Variants in PER2 observed in about 807,000 individuals in gnomAD.
The protein encoded by PER2 is period circadian regulator 2.
In PER2, 66 loss-of-function variants were observed where a neutral mutation model predicts 121.0. The ratio of observed to expected loss-of-function variants is 0.55; its 90% CI spans 0.45 to 0.67. PER2 has a LOEUF of 0.67. PER2 is among the 30% of genes least tolerant of loss of function. The pLI is 0.00. For missense variants in PER2, 1,521 were observed against 1,635.0 expected (o/e 0.93, Z 1.20); for synonymous variants, 684 against 659.9 (o/e 1.04, Z -0.56).
In PER2 at chr2:238,252,772, C is replaced by T. The variant is rs185568911; in HGVS notation, c.3111+140G>A. Reference sequence around the variant, plus strand: ...GTGGGAAGCATGAATTTCTGGCACACACATTCATGGCAAAACCTACAGGGT... The same window carrying T: ...GTGGGAAGCATGAATTTCTGGCACATACATTCATGGCAAAACCTACAGGGT... On this transcript the variant is annotated intron_variant, in intron 19 of 22. Coordinates refer to ENST00000254657, the MANE Select transcript of PER2 (RefSeq NM_022817.3). This position sits in a 1 kb window ranked among gnomAD's most constrained non-coding sequence, Gnocchi z 4.2. 1.1e-4 allele frequency: 85 copies of T among 797,650 alleles called. No homozygotes were observed. Among genetic ancestry groups the T allele is most frequent in the East Asian group, 6.8e-4 (28 of 41,160 alleles). 49.4% of individuals were successfully genotyped at this position (797,650 alleles called of 1,614,324 possible).
chr2:238,282,192 C>T (rs977598690), intron 1 of PER2, among the ~76,000 whole-genome samples: 1 of 152,248 alleles, frequency 6.6e-6, no homozygotes, highest in Admixed American at 6.5e-5. Context: ...CACCCCTCAG[C>T]CCCAGCCCTG....
chr2:238,250,502 C>G, intron 21 of PER2, 49 bp downstream of exon 21: 2 of 1,375,716 alleles, frequency 1.5e-6, no homozygotes, highest in Non-Finnish European at 2.0e-6. Flanking sequence ...TCTGGGAGCT[C>G]CTGAACCCCA....
rs1416461780 is a variant in PER2 at position 238,275,760 on chromosome 2, C to T, written c.431G>A (p.Ser144Asn). The T allele has an allele frequency of 6.2e-7, 1 of 1,614,212 alleles. No individual in the cohort carries two copies. Among genetic ancestry groups the T allele is most frequent in the South Asian group, 1.1e-5 (1 of 91,092 alleles). ...TLATLKYALR[S>N]VKQVKANEEY... ...CGACGTACCTTTCACCTGCTTCACG[C>T]TCCTGAGGGCGTACTTCAAGGTGGC... Residue 144 changes from serine to asparagine, a missense_variant, in exon 4 of 23, where the codon AGC (serine) becomes AAC (asparagine). Coordinates refer to ENST00000254657, the MANE Select transcript of PER2 (RefSeq NM_022817.3).
chr2:238,250,468 C>T, intron 21 of PER2, 83 bp downstream of exon 21: 1 of 981,098 alleles, frequency 1.0e-6, no homozygotes, highest in Admixed American at 2.0e-5. Flanking sequence ...CCCGCCCCAT[C>T]TGAATGACCT....
At chr2:238,264,800 ATT>A (rs1323857240) in intron 9 of PER2, among the ~76,000 whole-genome samples, 1 of 151,930 alleles carries the variant, frequency 6.6e-6, no homozygotes, top group African/African-American at 2.4e-5. Flanking sequence ...TTTTTATTTT[ATT>A]TTGCAGAGAC....
chr2:238,248,279 G>A (rs1384238579), intron 22 of PER2, among the ~76,000 whole-genome samples: 1 of 152,218 alleles, frequency 6.6e-6, no homozygotes, highest in Non-Finnish European at 1.5e-5. Context: ...GTGTTCGGCT[G>A]CTGGAGAACT....
Position 238,267,532 on chromosome 2 carries a change from T to C in PER2, c.967+524A>G, listed in dbSNP as rs558757721. 1.2e-4 allele frequency among the ~76,000 whole-genome samples: 18 copies of C among 152,238 alleles called. No homozygotes were observed. The South Asian group carries it at 2.3e-3, about 19-fold the overall frequency. ...TCACCTGGAGAGTCATGTCAGTGCA[T>C]GTCTGTCTGAGAGGAAGGGAAATTC... On this transcript the variant is annotated intron_variant, in intron 8 of 22. Coordinates refer to ENST00000254657, the MANE Select transcript of PER2 (RefSeq NM_022817.3).
Position 238,268,251 on chromosome 2 carries a change from C to A in PER2, c.825-53G>T. Reference sequence around the variant, plus strand: ...GGGAACTGTGACACAGGAACAGTCCCCTGTTCTGTTCCCTCCTCACCTGGG... The same window carrying A: ...GGGAACTGTGACACAGGAACAGTCCACTGTTCTGTTCCCTCCTCACCTGGG... On this transcript the variant is annotated intron_variant, in intron 7 of 22. Coordinates refer to ENST00000254657, the MANE Select transcript of PER2 (RefSeq NM_022817.3). This position sits in a 1 kb window ranked among gnomAD's most constrained non-coding sequence, Gnocchi z 4.0. The A allele has an allele frequency of 6.3e-7, 1 of 1,583,956 alleles. No individual in the cohort carries two copies. Among genetic ancestry groups the A allele is most frequent in the East Asian group, 2.2e-5 (1 of 44,542 alleles).
rs56386336 is a variant in PER2, at chr2:238,245,307, G to A, written c.*1068C>T. The A allele has an allele frequency of 0.12, 42,653 of 344,334 alleles. 3,055 individuals are homozygous for A. Among genetic ancestry groups the A allele is most frequent in the Admixed American group, 0.17 (3,609 of 20,940 alleles). 21.3% of individuals were successfully genotyped at this position (344,334 alleles called of 1,614,324 possible). On this transcript the variant is annotated 3_prime_UTR_variant, in exon 23 of 23. Transcript: ENST00000254657. The stretch of plus-strand genomic sequence containing the variant: ...ACTGGCAGAGGCCTGAAGCTGCTCC[G>A]AGAGAGGTCGGGCTCATGAAAAGAA...
intron 22 of PER2, among the ~76,000 whole-genome samples, chr2:238,247,816 C>T (rs1695488644): frequency 6.6e-6 from 1 of 152,210 alleles, no homozygotes; most frequent in East Asian, 1.9e-4. Flanking sequence ...ATGTGTATGG[C>T]TTTGCAACCA....
At chr2:238,261,914 T>C in intron 11 of PER2, 77 bp from the exon 12 acceptor site, 1 of 1,033,046 alleles carries the variant, frequency 9.7e-7, no homozygotes, top group Non-Finnish European at 1.5e-6. Context: ...AGCCACTACA[T>C]GCTGCCTGCC....
At chr2:238,276,119 G>C (rs372379409) in intron 3 of PER2, among the ~76,000 whole-genome samples, 2,126 of 137,258 alleles carry the variant, frequency 0.015, 30 homozygotes, top group Middle Eastern at 0.023. Flanking sequence ...CTCGGCTCTA[G>C]AGATGTTCTG....
At chr2:238,270,692 C>T (rs965602261) in intron 6 of PER2, among the ~76,000 whole-genome samples, 22 of 152,314 alleles carry the variant, frequency 1.4e-4, no homozygotes, top group Non-Finnish European at 2.6e-4. Flanking sequence ...AGACCAGACC[C>T]GGCTGGGAGG....
Position 238,252,550 on chromosome 2 carries a change from C to T in PER2, c.3111+362G>A, listed in dbSNP as rs989227244. On this transcript the variant is annotated intron_variant, in intron 19 of 22. Coordinates refer to ENST00000254657, the MANE Select transcript of PER2 (RefSeq NM_022817.3). This position sits in a 1 kb window ranked among gnomAD's most constrained non-coding sequence, Gnocchi z 4.2. ...CGGGGCCACCTGAGCCAGGCTCCGG[C>T]GCCACACCCTGAGGAGCCCTAGCTC... Among the ~76,000 whole-genome samples, 5 of 152,196 alleles carry T rather than the reference C, an allele frequency of 3.3e-5. No individual in the cohort carries two copies. Among genetic ancestry groups the T allele is most frequent in the African/African-American group, 7.2e-5 (3 of 41,440 alleles).
Position 238,268,014 on chromosome 2 carries a change from GC to G in PER2, c.967+41del. The G allele has an allele frequency of 6.2e-7, 1 of 1,608,284 alleles. No individual in the cohort carries two copies. ...GAACCACAGGAGTAACTGAGGGGGA[GC>G]CAGAGACAACATCTGCCCTCGCCCT... On this transcript the variant is annotated intron_variant, in intron 8 of 22. Transcript: ENST00000254657. The surrounding 1 kb of genome is among the most constrained non-coding windows in gnomAD (Gnocchi z 4.0).
In PER2 at chr2:238,253,345, G is replaced by A. The variant is rs1315522045; in HGVS notation, c.2678C>T (p.Pro893Leu). The change falls in exon 19 of 23, where the codon CCC becomes CTC. Residue 893 changes from proline (P) to leucine (L), a missense_variant. By Grantham distance (98) the Pro-to-Leu change is moderately conservative. Transcript: ENST00000254657. The surrounding 1 kb of genome is among the most constrained non-coding windows in gnomAD (Gnocchi z 5.6). ...VDLQHQFAVQ[P>L]PPFPAPLAPV... ...CGCCAAAGGGGCAGGGAAAGGTGGG[G>A]GCTGGACTGCAAACTGGTGCTGGAG... The A allele has an allele frequency of 1.2e-6, 2 of 1,613,760 alleles. No individual in the cohort carries two copies. Among genetic ancestry groups the A allele is most frequent in the Non-Finnish European group, 1.7e-6 (2 of 1,179,818 alleles).
rs775561359 is a variant in PER2 at position 238,253,178 on chromosome 2, A to T, written c.2845T>A (p.Phe949Ile). The change falls in exon 19 of 23, where the codon TTC (phenylalanine) becomes ATC (isoleucine). Residue 949 changes from phenylalanine (F) to isoleucine (I), a missense_variant. Phe to Ile is a conservative substitution (Grantham distance 21, BLOSUM62 0). Coordinates refer to ENST00000254657, the MANE Select transcript of PER2 (RefSeq NM_022817.3). This position sits in a 1 kb window ranked among gnomAD's most constrained non-coding sequence, Gnocchi z 5.6. ...CTGGGGATCGAGGTCCGGCTGGGGA[A>T]CTCAGGCTGTGAGGCAGAGGCCATC... ...SEMASASQPE[F>I]PSRTSIPRQP... 3 of 1,591,152 alleles carry T rather than the reference A, an allele frequency of 1.9e-6. No individual in the cohort carries two copies. Among genetic ancestry groups the T allele is most frequent in the East Asian group, 2.2e-5 (1 of 44,450 alleles).
rs760985489 is a variant in PER2 at position 238,250,590 on chromosome 2, G to A, written c.3428C>T (p.Ala1143Val). ...GTACGTCATCATGACGCTGCTGTCC[G>A]CATCTGCCATCAGCAGCCAGATGGG... Reference protein sequence around the residue: ...QDPIWLLMADADSSVMMTYQL... With the variant: ...QDPIWLLMADVDSSVMMTYQL... The change falls in exon 21 of 23, where the codon GCG becomes GTG. Residue 1143 changes from alanine (A) to valine (V), a missense_variant. Physicochemically the swap from Ala to Val is moderately conservative, Grantham distance 64. Transcript: ENST00000254657. 7 of 1,613,338 alleles carry A rather than the reference G, an allele frequency of 4.3e-6. No individual in the cohort carries two copies. The Admixed American group carries it at 5.0e-5, about 12-fold the overall frequency.
chr2:238,256,899 G>A (rs1201789184), intron 17 of PER2, 23 bp downstream of exon 17: 1 of 1,608,668 alleles, frequency 6.2e-7, no homozygotes, highest in East Asian at 2.2e-5. Context: ...ACTGCTCTCT[G>A]ATCCAAGAGC....
Sources: gnomAD v4.1 joint callset for allele counts (sites outside exome capture counted in the v4.1 genomes callset) on GRCh38, gnomAD v4.1.1 for gene constraint, Gnocchi (gnomAD v3.1) non-coding constraint, MANE v1.5 for transcripts, NCBI Gene and HGNC (gene_info 2026-07-23, HGNC 2026-07-21) for gene names.